The following PIGK variants were observed in gnomAD, a reference collection of about 807,000 sequenced individuals.
The protein encoded by PIGK is phosphatidylinositol glycan anchor biosynthesis class K.
A neutral mutation model predicts 50.6 loss-of-function variants in PIGK; 42 were observed. The ratio of observed to expected loss-of-function variants is 0.83; its 90% CI spans 0.65 to 1.07. The LOEUF (loss-of-function observed/expected upper bound fraction) is 1.07, where lower values mean the gene tolerates loss of function less well. Among genes scored for constraint, PIGK ranks in the 50% least tolerant of loss-of-function variants. The pLI is 0.00. For missense variants in PIGK, 448 were observed against 488.7 expected, an observed-to-expected ratio of 0.92 and a Z score of 0.78; for synonymous variants, 151 against 156.0, an observed-to-expected ratio of 0.97 and a Z score of 0.24.
intron 6 of PIGK, among the ~76,000 whole-genome samples, chr1:77,163,486 A>C (rs839828): frequency 1 from 151,408 of 152,150 alleles, 75,336 homozygotes; most frequent in Middle Eastern, 1. Context: ...ATACGTCTAT[A>C]ACATTAGGGG....
At chr1:77,127,609 C>G (rs568657633) in intron 9 of PIGK, among the ~76,000 whole-genome samples, 1 of 152,180 alleles carries the variant, frequency 6.6e-6, no homozygotes, top group East Asian at 1.9e-4. Context: ...GGAAATAAAG[C>G]CAACAAAACG....
chr1:77,219,160 A>G, intron 1 of PIGK, 150 bp downstream of exon 1: 1 of 608,514 alleles, frequency 1.6e-6, no homozygotes, highest in Non-Finnish European at 3.0e-6. Flanking sequence ...ACAGTGTCCT[A>G]ACCCGTGCCC....
intron 1 of PIGK, among the ~76,000 whole-genome samples, chr1:77,216,949 T>C (rs998153628): frequency 6.6e-6 from 1 of 152,326 alleles, no homozygotes; most frequent in South Asian, 2.1e-4. Context: ...TTATTCATTC[T>C]ACATACAGTA....
At chr1:77,152,199 G>A (rs1654908517) in intron 9 of PIGK, among the ~76,000 whole-genome samples, 1 of 151,858 alleles carries the variant, frequency 6.6e-6, no homozygotes, top group Non-Finnish European at 1.5e-5. Context: ...ATAAATCCAA[G>A]CACTTACAGC....
intron 10 of PIGK, among the ~76,000 whole-genome samples, chr1:77,118,850 A>G (rs1181007103): frequency 2.0e-5 from 3 of 152,192 alleles, no homozygotes; most frequent in Non-Finnish European, 4.4e-5. Context: ...TGAAGGATGC[A>G]AAGTATTGTT....
At chr1:77,214,188 T>G (rs1012736427) in intron 1 of PIGK, among the ~76,000 whole-genome samples, 1 of 152,042 alleles carries the variant, frequency 6.6e-6, no homozygotes, top group Non-Finnish European at 1.5e-5. Flanking sequence ...GAGGCCAGCA[T>G]TACCCTGATA....
chr1:77,129,195 A>G (rs1654301115), intron 9 of PIGK: 1 of 1,595,398 alleles, frequency 6.3e-7, no homozygotes, highest in Middle Eastern at 2.0e-4. Context: ...TCACTTTAAG[A>G]ACACTCGTGA....
chr1:77,116,088 T>G (rs1653954814), intron 10 of PIGK, among the ~76,000 whole-genome samples: 1 of 152,186 alleles, frequency 6.6e-6, no homozygotes, highest in Admixed American at 6.5e-5. Flanking sequence ...TTTATGGCTT[T>G]GTTTACACGG....
intron 3 of PIGK, among the ~76,000 whole-genome samples, chr1:77,194,041 C>T (rs1223077308): frequency 2.0e-5 from 3 of 149,698 alleles, no homozygotes; most frequent in Non-Finnish European, 1.5e-5. Context: ...TGAACAGACA[C>T]TTCTCAAAAG....
chr1:77,216,085 C>T (rs897921324), intron 1 of PIGK, among the ~76,000 whole-genome samples: 2 of 152,070 alleles, frequency 1.3e-5, no homozygotes, highest in Non-Finnish European at 2.9e-5. Flanking sequence ...GAAATCTTTT[C>T]TAACATTTTG....
At chr1:77,170,053 C>A (rs75872261) in intron 3 of PIGK, among the ~76,000 whole-genome samples, 2,281 of 152,280 alleles carry the variant, frequency 0.015, 67 homozygotes, top group African/African-American at 0.052. Context: ...TACCTGGCAT[C>A]CTGCTTCTAC....
intron 3 of PIGK, among the ~76,000 whole-genome samples, chr1:77,186,210 G>C (rs764048949): frequency 1.9e-4 from 29 of 152,238 alleles, no homozygotes; most frequent in Non-Finnish European, 3.2e-4. Context: ...CCTATGATCA[G>C]CTGATGGAGG....
chr1:77,189,052 T>C lies in PIGK; in HGVS notation c.239+17588A>G, dbSNP rs201333624. On this transcript the variant is annotated intron_variant, in intron 3 of 10. Coordinates refer to ENST00000370812, the MANE Select transcript of PIGK (RefSeq NM_005482.3). ...AAACATGATTGTGCATGTATACATT[T>C]GTACTTAGAAAATATCTTCAGTTTA... Among the ~76,000 whole-genome samples, 13 of 152,354 alleles carry C rather than the reference T, an allele frequency of 8.5e-5. No homozygotes were observed. The East Asian group carries it at 1.9e-3, about 23-fold the overall frequency.
chr1:77,154,557 C>CTCT lies in PIGK; in HGVS notation c.875_877dup (p.Gln292_Arg293insLys), dbSNP rs1557808120. On this transcript the variant is annotated inframe_insertion, in exon 9 of 11. Coordinates refer to ENST00000370812, the MANE Select transcript of PIGK (RefSeq NM_005482.3). ...AGTTATCAGTACATTTTTAGGATCC[C>CTCT]TCTGAAAAAGATCAGTGCGATGTCC... 2 of 1,612,680 alleles carry CTCT rather than the reference C, an allele frequency of 1.2e-6. No individual in the cohort carries two copies. Among genetic ancestry groups the CTCT allele is most frequent in the East Asian group, 4.5e-5 (2 of 44,842 alleles).
At chr1:77,145,456 T>C (rs1371072091) in intron 9 of PIGK, among the ~76,000 whole-genome samples, 2 of 152,008 alleles carry the variant, frequency 1.3e-5, no homozygotes, top group South Asian at 4.1e-4. Flanking sequence ...ATGTAATGTT[T>C]TAAAAATAAC....
intron 9 of PIGK, among the ~76,000 whole-genome samples, chr1:77,144,709 C>CT (rs952054898): frequency 5.9e-5 from 9 of 151,698 alleles, no homozygotes; most frequent in African/African-American, 1.7e-4. Context: ...AAAACAAAAA[C>CT]AAAAAACTAC....
chr1:77,142,134 G>T (rs1031939274), intron 9 of PIGK, among the ~76,000 whole-genome samples: 14 of 152,164 alleles, frequency 9.2e-5, no homozygotes, highest in African/African-American at 3.1e-4. Flanking sequence ...TTTTTGTTTT[G>T]TTTTGTTTTG....
chr1:77,144,719 C>A (rs1390760433), intron 9 of PIGK, among the ~76,000 whole-genome samples: 1 of 151,808 alleles, frequency 6.6e-6, no homozygotes, highest in Non-Finnish European at 1.5e-5. Flanking sequence ...CAAAAAACTA[C>A]CCATGATATG....
At chr1:77,111,850 A>T (rs1653852119) in intron 10 of PIGK, among the ~76,000 whole-genome samples, 1 of 152,130 alleles carries the variant, frequency 6.6e-6, no homozygotes, top group South Asian at 2.1e-4. Context: ...TAAACTAGAA[A>T]CACCTTAGTA....
Sources: allele counts gnomAD v4.1 joint callset (sites outside exome capture counted in the v4.1 genomes callset), GRCh38; gene constraint gnomAD v4.1.1; transcripts MANE v1.5; gene names NCBI Gene and HGNC (gene_info 2026-07-23, HGNC 2026-07-21).